CDH4: variants seen among roughly 807,000 people sequenced by gnomAD.
The protein encoded by CDH4 is cadherin-4.
In CDH4, 33 loss-of-function variants were observed where a neutral mutation model predicts 86.0. That is an observed-to-expected ratio of 0.38 (90% confidence interval 0.29 to 0.51). The LOEUF is 0.51. CDH4 is among the 20% of genes least tolerant of loss of function. The pLI, the probability that CDH4 is intolerant of heterozygous loss-of-function variation, is 0.86. For synonymous variants in CDH4, 555 were observed against 549.4 expected (o/e 1.01, Z -0.14); for missense variants, 1,114 against 1,307.4 (o/e 0.85, Z 2.28).
chr20:61,503,763 C>T (rs990510438), intron 2 of CDH4, among the ~76,000 whole-genome samples: 5 of 152,164 alleles, frequency 3.3e-5, no homozygotes, highest in African/African-American at 1.2e-4. Context: ...ATATAAATTA[C>T]ATAATTACTG....
At position 61,565,210 on chromosome 20, in the gene CDH4, G is replaced by C. The variant is rs1204342988; in HGVS notation, c.170-178353G>C. Among the ~76,000 whole-genome samples the C allele has an allele frequency of 1.4e-3, 76 of 54,480 alleles. 8 individuals carry two copies. The highest frequency in any genetic ancestry group is 3.2e-3 in the African/African-American group (46 of 14,522). 35.7% of individuals were successfully genotyped at this position (54,480 alleles called of 152,430 possible). A position where few individuals can be genotyped will look rare whatever the true frequency, so the allele number is the denominator to read the frequency against. On this transcript the variant is annotated intron_variant, in intron 2 of 15. Transcript: ENST00000614565. ...TGGTCCTCTTGGTGGTGGTCGCGGT[G>C]CTCTCGGTGGTAGGTGGTGGTGGTG...
intron 2 of CDH4, among the ~76,000 whole-genome samples, chr20:61,723,931 G>GC (rs2088076329): frequency 4.2e-5 from 4 of 95,776 alleles, no homozygotes; most frequent in East Asian, 6.7e-4. Flanking sequence ...ATGTGGCAGG[G>GC]GGGTAGGTCC....
intron 2 of CDH4, among the ~76,000 whole-genome samples, chr20:61,677,524 C>T (rs944165890): frequency 1.3e-5 from 2 of 152,316 alleles, no homozygotes; most frequent in Non-Finnish European, 2.9e-5. Context: ...CAAAAAAACA[C>T]AGCACTTTAC....
intron 4 of CDH4, among the ~76,000 whole-genome samples, chr20:61,819,151 G>A (rs868673556): frequency 6.6e-6 from 1 of 152,306 alleles, no homozygotes; most frequent in South Asian, 2.1e-4. Flanking sequence ...CTTTGTATCT[G>A]CAAGGATGTC....
At chr20:61,449,997 G>A (rs941003307) in intron 2 of CDH4, among the ~76,000 whole-genome samples, 1 of 152,226 alleles carries the variant, frequency 6.6e-6, no homozygotes, top group Admixed American at 6.5e-5. Flanking sequence ...CCCTTTTGGA[G>A]CAGGTGCCGT....
intron 4 of CDH4, among the ~76,000 whole-genome samples, chr20:61,797,346 A>G (rs1315885114): frequency 6.6e-6 from 1 of 152,244 alleles, no homozygotes; most frequent in African/African-American, 2.4e-5. Flanking sequence ...GGGGACGAGC[A>G]GGAAAGAGGC....
At chr20:61,796,711 C>T (rs1351903132) in intron 4 of CDH4, among the ~76,000 whole-genome samples, 5 of 152,136 alleles carry the variant, frequency 3.3e-5, no homozygotes, top group Non-Finnish European at 7.4e-5. Flanking sequence ...GTGTGGAAGC[C>T]GCCCAGAGGT....
At chr20:61,890,298 GTGGA>G (rs892791720) in intron 7 of CDH4, among the ~76,000 whole-genome samples, 8 of 151,628 alleles carry the variant, frequency 5.3e-5, no homozygotes, top group African/African-American at 1.9e-4. Flanking sequence ...TGATAGAAGG[GTGGA>G]TGGATGGATG....
At chr20:61,576,121 A>G (rs1308535641) in intron 2 of CDH4, among the ~76,000 whole-genome samples, 1 of 152,194 alleles carries the variant, frequency 6.6e-6, no homozygotes, top group Non-Finnish European at 1.5e-5. Flanking sequence ...TGGGCTCCGA[A>G]TCAAAGCTGC....
chr20:61,579,285 A>ATT (rs11483950), intron 2 of CDH4, among the ~76,000 whole-genome samples: 20,511 of 129,474 alleles, frequency 0.16, 2,310 homozygotes, highest in African/African-American at 0.27. Flanking sequence ...CTCGATGGAG[A>ATT]TTTTTTTTTT....
At chr20:61,821,131 G>T (rs1981005178) in intron 4 of CDH4, among the ~76,000 whole-genome samples, 1 of 140,844 alleles carries the variant, frequency 7.1e-6, no homozygotes, top group Non-Finnish European at 1.5e-5. Context: ...CCACCTCCCA[G>T]ATCCCACTGC....
At chr20:61,600,915 AC>A (rs11476821) in intron 2 of CDH4, among the ~76,000 whole-genome samples, 3,612 of 152,102 alleles carry the variant, frequency 0.024, 103 homozygotes, top group East Asian at 0.14. Flanking sequence ...TCTTACCATG[AC>A]CCTGTGGACT....
At chr20:61,315,745 C>CGGTG (rs1340986796) in intron 2 of CDH4, among the ~76,000 whole-genome samples, 1 of 152,144 alleles carries the variant, frequency 6.6e-6, no homozygotes, top group Non-Finnish European at 1.5e-5. Context: ...GCTCTGTCAC[C>CGGTG]CATGCTGGAG....
intron 3 of CDH4, among the ~76,000 whole-genome samples, chr20:61,768,549 T>G (rs556817978): frequency 6.6e-6 from 1 of 152,356 alleles, no homozygotes; most frequent in African/African-American, 2.4e-5. Context: ...AGGTGTCATC[T>G]GTTAGAAAAT....
At chr20:61,660,811 C>T (rs2087246074) in intron 2 of CDH4, among the ~76,000 whole-genome samples, 1 of 152,184 alleles carries the variant, frequency 6.6e-6, no homozygotes, top group Admixed American at 6.5e-5. Context: ...GATACCTGGA[C>T]TCCCGCGTGG....
At chr20:61,513,460 A>G (rs2085795331) in intron 2 of CDH4, among the ~76,000 whole-genome samples, 1 of 152,184 alleles carries the variant, frequency 6.6e-6, no homozygotes, top group South Asian at 2.1e-4. Flanking sequence ...CCCACAGGCC[A>G]CATCCTTGCC....
chr20:61,499,424 A>C, intron 2 of CDH4: 1 of 1,287,740 alleles, frequency 7.8e-7, no homozygotes, highest in Non-Finnish European at 1.0e-6. Flanking sequence ...CTGGTTCAGA[A>C]CAAGGATTCG....
Position 61,937,793 on chromosome 20 carries a change from AGAGT to A in CDH4, c.*855_*858del, listed in dbSNP as rs11469616. The A allele has an allele frequency of 0.22, 32,527 of 146,644 alleles. 3,923 individuals carry two copies. Among genetic ancestry groups the A allele is most frequent in the East Asian group, 0.37 (1,840 of 4,950 alleles). The allele number at this position is 146,644 out of a possible 1,614,324, so 9.1% of individuals were successfully genotyped here. A position where few individuals can be genotyped will look rare whatever the true frequency, so the allele number is the denominator to read the frequency against. On this transcript the variant is annotated 3_prime_UTR_variant, in exon 16 of 16. Coordinates refer to ENST00000614565, the MANE Select transcript of CDH4 (RefSeq NM_001794.5). ...AGGTCCCCTCTGCCTTTGGTCCAGA[AGAGT>A]GAGTTGTCCAAACCAGCCAGCATCT...
At chr20:61,674,608 C>T (rs1037873983) in intron 2 of CDH4, among the ~76,000 whole-genome samples, 3 of 152,170 alleles carry the variant, frequency 2.0e-5, no homozygotes, top group Middle Eastern at 3.2e-3. Context: ...TCAGGAGCCA[C>T]ATTCAAAAAA....
Sources: allele counts gnomAD v4.1 joint callset (sites outside exome capture counted in the v4.1 genomes callset), GRCh38; gene constraint gnomAD v4.1.1; transcripts MANE v1.5; gene names NCBI Gene and HGNC (gene_info 2026-07-23, HGNC 2026-07-21).